The following KCTD1 variants were observed in gnomAD, a reference collection of about 807,000 sequenced individuals.
The protein encoded by KCTD1 is BTB/POZ domain-containing protein KCTD1.
KCTD1 carries 24 observed loss-of-function variants against 66.0 expected under a neutral mutation model. The ratio of observed to expected loss-of-function variants is 0.36; its 90% CI spans 0.26 to 0.51. The LOEUF is 0.51. Ranked by LOEUF, KCTD1 falls within the 20% of genes least tolerant of loss-of-function variation. The pLI is 0.95. For missense variants in KCTD1, 943 were observed against 1,205.2 expected (o/e 0.78, Z 3.22); for synonymous variants, 511 against 517.2 (o/e 0.99, Z 0.16).
chr18:26,635,639 C>T (rs932200779), intron 1 of KCTD1, among the ~76,000 whole-genome samples: 6 of 152,198 alleles, frequency 3.9e-5, no homozygotes, highest in Non-Finnish European at 8.8e-5. Flanking sequence ...CCCCAGGGAT[C>T]TTGTTAAAAA....
intron 1 of KCTD1, among the ~76,000 whole-genome samples, chr18:26,524,109 C>A (rs980255482): frequency 2.0e-5 from 3 of 152,176 alleles, no homozygotes; most frequent in Non-Finnish European, 2.9e-5. Context: ...ATACCTTGAG[C>A]CCATCATTGA....
At chr18:26,462,865 C>T (rs1453850371) in intron 3 of KCTD1, among the ~76,000 whole-genome samples, 2 of 152,146 alleles carry the variant, frequency 1.3e-5, no homozygotes, top group African/African-American at 4.8e-5. Context: ...TTCCTTCAGG[C>T]CTCTGAATTT....
intron 1 of KCTD1, among the ~76,000 whole-genome samples, chr18:26,505,810 A>G (rs1983005041): frequency 6.6e-6 from 1 of 151,954 alleles, no homozygotes; most frequent in Admixed American, 6.5e-5. Flanking sequence ...CTTCCCACCT[A>G]GGCCTCCCAA....
intron 1 of KCTD1, chr18:26,544,038 G>A (rs1015650737): frequency 6.6e-6 from 1 of 152,218 alleles, no homozygotes; most frequent in African/African-American, 2.4e-5. Flanking sequence ...GTGGTAAGCA[G>A]TTTAAAATGG....
chr18:26,536,903 C>G (rs758964280), intron 1 of KCTD1, among the ~76,000 whole-genome samples: 12 of 151,546 alleles, frequency 7.9e-5, no homozygotes, highest in Non-Finnish European at 1.6e-4. Flanking sequence ...TTCTATGACT[C>G]CATGATCCTT....
intron 1 of KCTD1, among the ~76,000 whole-genome samples, chr18:26,605,758 A>ATCTATCTATCTG (rs1555646518): frequency 2.6e-4 from 38 of 144,542 alleles, no homozygotes; most frequent in African/African-American, 9.6e-4. Context: ...CTATCTATCT[A>ATCTATCTATCTG]TCTATCTATC....
intron 1 of KCTD1, among the ~76,000 whole-genome samples, chr18:26,530,794 G>A (rs539019687): frequency 7.9e-4 from 120 of 152,112 alleles, no homozygotes; most frequent in Non-Finnish European, 9.4e-4. Context: ...GACGATGTGG[G>A]TTTTTTTCTT....
intron 1 of KCTD1, among the ~76,000 whole-genome samples, chr18:26,510,190 T>G (rs1471542487): frequency 6.6e-6 from 1 of 152,150 alleles, no homozygotes; most frequent in Non-Finnish European, 1.5e-5. Flanking sequence ...TATTACATTG[T>G]GGGGTGCAGA....
upstream of KCTD1, among the ~76,000 whole-genome samples, chr18:26,641,127 G>A (rs114331222): frequency 0.033 from 5,017 of 152,178 alleles, 113 homozygotes; most frequent in African/African-American, 0.061. Flanking sequence ...GTGTATGTAA[G>A]GCCTGTTTAT....
intron 1 of KCTD1, among the ~76,000 whole-genome samples, chr18:26,583,073 T>TA (rs1986392093): frequency 1.4e-5 from 2 of 146,812 alleles, no homozygotes; most frequent in African/African-American, 5.0e-5. Flanking sequence ...AGATGGTAAT[T>TA]TAAAAAAAAT....
At chr18:26,490,955 G>A (rs185626275) in intron 2 of KCTD1, among the ~76,000 whole-genome samples, 1 of 152,082 alleles carries the variant, frequency 6.6e-6, no homozygotes, top group African/African-American at 2.4e-5. Flanking sequence ...GTTTCACCAG[G>A]TTGCCCAGGC....
At chr18:26,542,143 A>T (rs1984999667) in intron 1 of KCTD1, among the ~76,000 whole-genome samples, 1 of 152,216 alleles carries the variant, frequency 6.6e-6, no homozygotes. Context: ...ACAGTGGATG[A>T]ACTGAATTCA....
upstream of KCTD1, among the ~76,000 whole-genome samples, chr18:26,641,121 A>T (rs1337056954): frequency 6.6e-6 from 1 of 152,006 alleles, no homozygotes; most frequent in Non-Finnish European, 1.5e-5. Context: ...CTGTGTGTGT[A>T]TGTAAGGCCT....
chr18:26,523,420 T>A (rs1984009186), intron 1 of KCTD1, among the ~76,000 whole-genome samples: 1 of 152,190 alleles, frequency 6.6e-6, no homozygotes, highest in Non-Finnish European at 1.5e-5. Context: ...AAAACGTAGA[T>A]AATAGTCCTC....
Position 26,548,401 on chromosome 18 carries a change from T to C in KCTD1, c.136A>G (p.Ser46Gly), listed in dbSNP as rs1416447110. The change falls in exon 1 of 5, where the codon AGC (serine) becomes GGC (glycine). Residue 46 changes from serine (S) to glycine (G), a missense_variant. By Grantham distance (56) the Ser-to-Gly change is moderately conservative. Around this residue, in one of 10 missense-constraint regions of KCTD1, gnomAD observed 236 missense variants for 206.6 expected, o/e 1.14. Transcript: ENST00000580059. ...CCCGCGCTGCAGTAGTGCGGACGGC[T>C]GTGGCGGCGGCCGCGGCCCCCCGCG... ...RGAGGRGRRHSRPHYCSAGEE... is the reference protein window; with the variant it reads ...RGAGGRGRRHGRPHYCSAGEE... 6.3e-6 allele frequency: 9 copies of C among 1,437,864 alleles called. No individual in the cohort carries two copies. Among genetic ancestry groups the C allele is most frequent in the South Asian group, 1.4e-5 (1 of 70,902 alleles). The allele number at this position is 1,437,864 out of a possible 1,614,324, so 89.1% of individuals were successfully genotyped here. A position where few individuals can be genotyped will look rare whatever the true frequency, so the allele number is the denominator to read the frequency against.
Position 26,547,777 on chromosome 18 carries a change from G to A in KCTD1, c.760C>T (p.Pro254Ser). 6.5e-7 allele frequency: 1 copy of A among 1,542,248 alleles called. No homozygotes were observed. The highest frequency in any genetic ancestry group is 8.7e-7 in the Non-Finnish European group (1 of 1,146,806). ...YCRTLDLTKD[P>S]ELRSANLTLA... Reference sequence around the variant, plus strand: ...GTCAGGTTGGCGCTGCGCAGCTCGGGGTCCTTGGTGAGGTCGAGCGTGCGG... The same window carrying A: ...GTCAGGTTGGCGCTGCGCAGCTCGGAGTCCTTGGTGAGGTCGAGCGTGCGG... Residue 254 changes from proline (P) to serine (S), a missense_variant, in exon 1 of 5, where the codon CCC (proline) becomes TCC (serine). Coordinates refer to ENST00000580059, the MANE Select transcript of KCTD1 (RefSeq NM_001142730.3).
chr18:26,629,080 T>G (rs1987563446), intron 1 of KCTD1: 2 of 695,162 alleles, frequency 2.9e-6, no homozygotes, highest in East Asian at 2.7e-4. Context: ...GTTGTCTTTC[T>G]GGCTTTGCAG....
chr18:26,535,116 G>C (rs187842440), intron 1 of KCTD1, among the ~76,000 whole-genome samples: 18 of 138,590 alleles, frequency 1.3e-4, no homozygotes, highest in Non-Finnish European at 1.9e-4. Context: ...TTGGGGGGTG[G>C]GGGTGGAGCT....
chr18:26,550,594 AC>A (rs1162256698), upstream of KCTD1, among the ~76,000 whole-genome samples: 1 of 151,554 alleles, frequency 6.6e-6, no homozygotes, highest in Non-Finnish European at 1.5e-5. This position sits in a 1 kb window ranked among gnomAD's most constrained non-coding sequence, Gnocchi z 5.4. Flanking sequence ...ACACACACAC[AC>A]ACACACACAC....
Sources: gnomAD v4.1 joint callset for allele counts (sites outside exome capture counted in the v4.1 genomes callset) on GRCh38, gnomAD v4.1.1 for gene constraint, gnomAD v4.1.1 regional missense constraint, Gnocchi (gnomAD v3.1) non-coding constraint, MANE v1.5 for transcripts, NCBI Gene and HGNC (gene_info 2026-07-23, HGNC 2026-07-21) for gene names.